The following ATP8A2 variants were observed in gnomAD, a reference collection of about 807,000 sequenced individuals.
ATP8A2 encodes ATPase phospholipid transporting 8A2.
A neutral mutation model predicts 165.6 loss-of-function variants in ATP8A2; 100 were observed. That is an observed-to-expected ratio of 0.60 (90% CI 0.51 to 0.71). The LOEUF is 0.71. Among genes scored for constraint, ATP8A2 ranks in the 30% least tolerant of loss-of-function variants. The pLI is 0.00. For missense variants in ATP8A2, 1,227 were observed against 1,479.5 expected (o/e 0.83, Z 2.80); for synonymous variants, 543 against 548.8 (o/e 0.99, Z 0.15).
intron 33 of ATP8A2, among the ~76,000 whole-genome samples, chr13:25,937,368 T>C (rs867357076): frequency 0.013 from 1,694 of 134,720 alleles, 138 homozygotes; most frequent in African/African-American, 0.042. Context: ...CTTTCTTTTT[T>C]TTTTTTTTTT....
chr13:25,917,133 A>G (rs2139014929), intron 33 of ATP8A2, among the ~76,000 whole-genome samples: 1 of 152,302 alleles, frequency 6.6e-6, no homozygotes, highest in South Asian at 2.1e-4. Flanking sequence ...ACCTCTCTTC[A>G]TGTCAGTAGA....
chr13:25,424,265 T>A (rs1221829147), intron 1 of ATP8A2, among the ~76,000 whole-genome samples: 1 of 152,212 alleles, frequency 6.6e-6, no homozygotes, highest in Non-Finnish European at 1.5e-5. Context: ...ATTCCATGTT[T>A]CCACTCACCT....
At chr13:25,565,867 TG>T (rs1227681001) in intron 16 of ATP8A2, among the ~76,000 whole-genome samples, 2 of 151,682 alleles carry the variant, frequency 1.3e-5, no homozygotes, top group Non-Finnish European at 2.9e-5. Flanking sequence ...AAGGCTACTC[TG>T]AAAAATGCCA....
At chr13:25,507,501 G>A (rs1326547831) in intron 2 of ATP8A2, among the ~76,000 whole-genome samples, 1 of 151,972 alleles carries the variant, frequency 6.6e-6, no homozygotes, top group African/African-American at 2.4e-5. Context: ...CCTGACCTCA[G>A]GTGATCCTCC....
intron 1 of ATP8A2, among the ~76,000 whole-genome samples, chr13:25,439,915 A>G (rs986922506): frequency 3.9e-5 from 6 of 152,150 alleles, no homozygotes; most frequent in African/African-American, 1.4e-4. Context: ...TATAAAAAAA[A>G]AAAAATTAAA....
chr13:25,526,453 T>A (rs192948876), intron 2 of ATP8A2, among the ~76,000 whole-genome samples: 1 of 152,348 alleles, frequency 6.6e-6, no homozygotes, highest in East Asian at 1.9e-4. Context: ...ATATATTTGC[T>A]TAAGAGATTC....
intron 1 of ATP8A2, 125 bp from the exon 2 acceptor site, chr13:25,468,852 G>C: frequency 6.9e-7 from 1 of 1,452,258 alleles, no homozygotes. Flanking sequence ...TACGTAGGCG[G>C]CGTCCGCCTC....
intron 25 of ATP8A2, among the ~76,000 whole-genome samples, chr13:25,745,575 T>C (rs1012103035): frequency 6.6e-6 from 1 of 152,202 alleles, no homozygotes; most frequent in Non-Finnish European, 1.5e-5. Flanking sequence ...GGCTCTGGAC[T>C]ATGTATCCAC....
intron 29 of ATP8A2, 151 bp from the exon 30 acceptor site, chr13:25,839,395 T>G (rs1008272154): frequency 2.6e-4 from 83 of 324,062 alleles, no homozygotes; most frequent in Non-Finnish European, 4.6e-4. Context: ...TTTGGGTGGG[T>G]TTTTTTTTTT....
chr13:25,697,306 G>C (rs924946647), intron 24 of ATP8A2, among the ~76,000 whole-genome samples: 6 of 152,090 alleles, frequency 3.9e-5, no homozygotes, highest in African/African-American at 9.7e-5. Flanking sequence ...TTGAGACGGA[G>C]CCTCACTCTG....
rs2041196697 is a variant in ATP8A2, at chr13:25,629,926, T to G, written c.2211+40227T>G. Among the ~76,000 whole-genome samples the G allele has an allele frequency of 3.3e-5, 5 of 152,290 alleles. No homozygotes were observed. The South Asian group carries it at 1.0e-3, about 32-fold the overall frequency. ...TTGCAGTTCATATGGCAGCCACAGT[T>G]TAATTTTATGGCAAAGTCAACGACT... is the stretch of plus-strand genomic sequence containing the variant. On this transcript the variant is annotated intron_variant, in intron 24 of 36. Transcript: ENST00000381655.
At position 25,530,014 on chromosome 13, in the gene ATP8A2, C is replaced by T. The variant is rs772053561; in HGVS notation, c.237C>T (p.Ser79=). The change falls in exon 3 of 37, where the codon AGC becomes AGT. Residue 79 remains serine, a synonymous_variant. Transcript: ENST00000381655. ...GCACTTACAGTACGGCCAAGTACAG[C>T]GTGTTGACATTTCTACCTCGATTCT... ...RDNQISTAKY[S]VLTFLPRFLY... 1.2e-5 allele frequency: 20 copies of T among 1,609,560 alleles called. No individual in the cohort carries two copies. In the South Asian group the frequency reaches 1.7e-4, roughly 13 times the overall value.
chr13:25,967,407 T>C (rs2139205256), intron 34 of ATP8A2, among the ~76,000 whole-genome samples: 1 of 152,262 alleles, frequency 6.6e-6, no homozygotes, highest in East Asian at 1.9e-4. Flanking sequence ...TGTCGGGAGA[T>C]GGCTCACATT....
intron 35 of ATP8A2, among the ~76,000 whole-genome samples, chr13:25,983,107 C>T (rs539044657): frequency 2.1e-4 from 32 of 152,322 alleles, no homozygotes; most frequent in African/African-American, 7.7e-4. Flanking sequence ...GTGAGTCCAA[C>T]TTATGACATC....
At chr13:25,811,008 T>G (rs144387397) in intron 27 of ATP8A2, among the ~76,000 whole-genome samples, 158 of 152,274 alleles carry the variant, frequency 1.0e-3, no homozygotes, top group African/African-American at 3.6e-3. Context: ...TTATGGTATC[T>G]TAAGGGATGA....
intron 25 of ATP8A2, among the ~76,000 whole-genome samples, chr13:25,736,703 A>C (rs2043777684): frequency 1.3e-5 from 2 of 152,108 alleles, no homozygotes; most frequent in Non-Finnish European, 2.9e-5. Flanking sequence ...TTCCAATAAA[A>C]CTTTATTTAA....
rs80225612 is a variant in ATP8A2, at chr13:25,633,025, A to G, written c.2211+43326A>G. 4.4e-3 allele frequency among the ~76,000 whole-genome samples: 677 copies of G among 152,298 alleles called. 5 individuals carry two copies. Among genetic ancestry groups the G allele is most frequent in the African/African-American group, 0.016 (657 of 41,576 alleles). On this transcript the variant is annotated intron_variant, in intron 24 of 36. Transcript: ENST00000381655. ...AGTAAAACTCCTGAGTCACGGAAGC[A>G]TGTTTAGTATCTAAGAATGTTTGAT...
At chr13:25,778,497 A>G (rs1459443275) in intron 27 of ATP8A2, among the ~76,000 whole-genome samples, 2 of 152,234 alleles carry the variant, frequency 1.3e-5, no homozygotes, top group South Asian at 2.1e-4. Context: ...TCCTCCCTGC[A>G]GCTGCCTTAA....
chr13:25,877,215 G>C (rs1952841192), intron 33 of ATP8A2, among the ~76,000 whole-genome samples: 1 of 152,078 alleles, frequency 6.6e-6, no homozygotes, highest in Admixed American at 6.5e-5. Flanking sequence ...GCCATTTTAG[G>C]CCACTTTCTC....
Sources: allele counts gnomAD v4.1 joint callset (sites outside exome capture counted in the v4.1 genomes callset), GRCh38; gene constraint gnomAD v4.1.1; transcripts MANE v1.5; gene names NCBI Gene and HGNC (gene_info 2026-07-23, HGNC 2026-07-21).